The following LINGO2 variants were observed in gnomAD, a reference collection of about 807,000 sequenced individuals.
The protein encoded by LINGO2 is leucine rich repeat and Ig domain containing 2.
In LINGO2, 14 loss-of-function variants were observed where a neutral mutation model predicts 30.6. That is an observed-to-expected ratio of 0.46 (90% CI 0.30 to 0.72). The LOEUF (loss-of-function observed/expected upper bound fraction) is 0.72. Ranked by LOEUF, LINGO2 falls within the 30% of genes least tolerant of loss-of-function variation. The pLI, the probability that LINGO2 is intolerant of heterozygous loss-of-function variation, is 0.07. For synonymous variants in LINGO2, 317 were observed against 288.5 expected, an observed-to-expected ratio of 1.10 and a Z score of -1.00; for missense variants, 729 against 751.7, an observed-to-expected ratio of 0.97 and a Z score of 0.35.
the LINGO2 span, among the ~76,000 whole-genome samples, chr9:29,008,421 T>C: frequency 6.6e-6 from 1 of 152,208 alleles, no homozygotes; most frequent in South Asian, 2.1e-4. Context: ...GCATGATTTA[T>C]AATCCTTTGG....
the LINGO2 span, among the ~76,000 whole-genome samples, chr9:28,889,780 A>G: frequency 2.0e-5 from 3 of 152,066 alleles, no homozygotes; most frequent in Non-Finnish European, 4.4e-5. Flanking sequence ...CTCTAGCTCT[A>G]ACGTTCTAAG....
At chr9:28,898,390 G>A in the LINGO2 span, among the ~76,000 whole-genome samples, 1 of 152,014 alleles carries the variant, frequency 6.6e-6, no homozygotes, top group Non-Finnish European at 1.5e-5. Context: ...TTTTACTAAG[G>A]CACTGACACT....
the LINGO2 span, among the ~76,000 whole-genome samples, chr9:28,931,101 T>G: frequency 6.6e-6 from 1 of 152,178 alleles, no homozygotes; most frequent in Non-Finnish European, 1.5e-5. Context: ...AGATTAAACT[T>G]GCCGTGGCAA....
chr9:28,682,589 C>T, the LINGO2 span, among the ~76,000 whole-genome samples: 9 of 151,826 alleles, frequency 5.9e-5, no homozygotes, highest in Admixed American at 2.6e-4. Flanking sequence ...GACAATTTCA[C>T]GATTATAGAT....
At chr9:28,541,491 G>C (rs557976618) in intron 1 of LINGO2, among the ~76,000 whole-genome samples, 30 of 152,212 alleles carry the variant, frequency 2.0e-4, no homozygotes, top group African/African-American at 6.7e-4. Flanking sequence ...AAAAACAAGA[G>C]CAATTTTTAT....
At chr9:28,723,579 A>G in the LINGO2 span, among the ~76,000 whole-genome samples, 4 of 152,192 alleles carry the variant, frequency 2.6e-5, no homozygotes, top group African/African-American at 7.2e-5. Flanking sequence ...CTGGGCCAAT[A>G]TAAGAATGGA....
intron 4 of LINGO2, among the ~76,000 whole-genome samples, chr9:28,211,189 CT>C (rs1293954006): frequency 6.6e-6 from 1 of 151,366 alleles, no homozygotes; most frequent in African/African-American, 2.4e-5. Flanking sequence ...ACTACTTGTG[CT>C]TTTGCAATTA....
chr9:28,122,696 G>C (rs1047753481), intron 4 of LINGO2, among the ~76,000 whole-genome samples: 2 of 152,148 alleles, frequency 1.3e-5, no homozygotes, highest in African/African-American at 2.4e-5. Context: ...TGGTGACTTA[G>C]ACTTTTCCTT....
chr9:28,457,976 A>G (rs1179624387), intron 2 of LINGO2, among the ~76,000 whole-genome samples: 2 of 152,190 alleles, frequency 1.3e-5, no homozygotes, highest in Non-Finnish European at 2.9e-5. Flanking sequence ...GTGAATCTCA[A>G]TGAGAATACT....
upstream of LINGO2, among the ~76,000 whole-genome samples, chr9:28,671,681 T>A (rs1829021840): frequency 6.6e-6 from 1 of 151,998 alleles, no homozygotes; most frequent in Admixed American, 6.6e-5. Context: ...ACGTATCACG[T>A]ACTATGCCTA....
intron 1 of LINGO2, among the ~76,000 whole-genome samples, chr9:28,643,778 C>A (rs1190484577): frequency 6.6e-6 from 1 of 151,976 alleles, no homozygotes; most frequent in Non-Finnish European, 1.5e-5. Context: ...AACATGCGAA[C>A]TACCCATCTG....
intron 1 of LINGO2, among the ~76,000 whole-genome samples, chr9:28,607,008 C>A (rs909713650): frequency 6.6e-6 from 1 of 151,986 alleles, no homozygotes; most frequent in Non-Finnish European, 1.5e-5. Context: ...ACATTTACAG[C>A]AAATCAATTG....
chr9:28,045,334 G>A (rs1824371226), intron 4 of LINGO2, among the ~76,000 whole-genome samples: 1 of 152,132 alleles, frequency 6.6e-6, no homozygotes, highest in Non-Finnish European at 1.5e-5. Flanking sequence ...TTTATAGACA[G>A]ACTGCTTAAA....
the LINGO2 span, among the ~76,000 whole-genome samples, chr9:29,009,722 A>G: frequency 6.6e-6 from 1 of 152,224 alleles, no homozygotes; most frequent in Admixed American, 6.5e-5. Context: ...TGCATTGCCA[A>G]GAAAATCCTA....
chr9:28,489,942 A>G (rs1826329550), intron 1 of LINGO2, among the ~76,000 whole-genome samples: 1 of 151,132 alleles, frequency 6.6e-6, no homozygotes, highest in Non-Finnish European at 1.5e-5. Context: ...AAAGGCATAT[A>G]GGTATGATTT....
chr9:27,973,133 T>A (rs1820431991), intron 5 of LINGO2, among the ~76,000 whole-genome samples: 1 of 152,174 alleles, frequency 6.6e-6, no homozygotes, highest in Admixed American at 6.6e-5. Flanking sequence ...TTGGCCTTCA[T>A]AATTGCATGA....
chr9:28,718,187 A>T, the LINGO2 span, among the ~76,000 whole-genome samples: 1 of 152,068 alleles, frequency 6.6e-6, no homozygotes, highest in East Asian at 1.9e-4. Flanking sequence ...GGAAAAAAAA[A>T]AACAAACCAT....
intron 1 of LINGO2, among the ~76,000 whole-genome samples, chr9:28,502,602 T>C (rs1819935032): frequency 6.6e-6 from 1 of 152,082 alleles, no homozygotes; most frequent in Non-Finnish European, 1.5e-5. Flanking sequence ...ATATGTCTTT[T>C]TAGAGGGCAT....
At chr9:28,760,939 T>TACACACAC in the LINGO2 span, among the ~76,000 whole-genome samples, 2 of 22,302 alleles carry the variant, frequency 9.0e-5, no homozygotes, top group Admixed American at 5.8e-4. Flanking sequence ...TGTGTATATA[T>TACACACAC]ATATATACAC....
Sources: gnomAD v4.1 joint callset for allele counts (sites outside exome capture counted in the v4.1 genomes callset) on GRCh38, gnomAD v4.1.1 for gene constraint, MANE v1.5 for transcripts, NCBI Gene and HGNC (gene_info 2026-07-23, HGNC 2026-07-21) for gene names.